Variants in RBFOX1 observed in about 807,000 individuals in gnomAD.
The protein encoded by RBFOX1 is RNA binding protein fox-1 homolog 1.
A neutral mutation model predicts 57.7 loss-of-function variants in RBFOX1; 8 were observed. The observed-to-expected ratio is 0.14, with a 90% confidence interval of 0.08 to 0.25. The LOEUF (loss-of-function observed/expected upper bound fraction) is 0.25, where lower values mean the gene tolerates loss of function less well. Among genes scored for constraint, RBFOX1 ranks in the 10% least tolerant of loss-of-function variants. RBFOX1 has a pLI of 1.00. For missense variants in RBFOX1, 611 were observed against 548.5 expected (o/e 1.11, Z -1.14); for synonymous variants, 326 against 222.4 (o/e 1.47, Z -4.15).
chr16:6,450,773 A>ATATATATATATATACATATATATATG (rs2094577686), intron 2 of RBFOX1, among the ~76,000 whole-genome samples: 13 of 38,546 alleles, frequency 3.4e-4, no homozygotes, highest in Non-Finnish European at 3.6e-4. Context: ...ATGTGTATAT[A>ATATATATATATATACATATATATATG]TATATATATA....
intron 2 of RBFOX1, among the ~76,000 whole-genome samples, chr16:6,336,201 T>A (rs2083721136): frequency 4.9e-5 from 4 of 81,036 alleles, no homozygotes; most frequent in African/African-American, 1.8e-4. Context: ...TTTTTTTTTT[T>A]TTTTTTTTTT....
intron 10 of RBFOX1, among the ~76,000 whole-genome samples, chr16:7,619,245 T>C (rs2058934237): frequency 6.6e-6 from 1 of 152,192 alleles, no homozygotes. Context: ...TGTATGATTC[T>C]AGTGTTTGGT....
At chr16:6,098,711 A>G (rs2096272573) in intron 1 of RBFOX1, among the ~76,000 whole-genome samples, 1 of 152,214 alleles carries the variant, frequency 6.6e-6, no homozygotes, top group South Asian at 2.1e-4. Context: ...TACTACGGGT[A>G]CAGATGTCCA....
At chr16:7,304,079 C>T in intron 4 of RBFOX1, 1 of 451,562 alleles carries the variant, frequency 2.2e-6, no homozygotes, top group South Asian at 9.3e-5. Flanking sequence ...CAGGTCCCCG[C>T]AAGTGTTTTA....
intron 9 of RBFOX1, among the ~76,000 whole-genome samples, chr16:7,602,405 G>A (rs1174165047): frequency 6.6e-6 from 1 of 152,156 alleles, no homozygotes; most frequent in African/African-American, 2.4e-5. Context: ...GGGAGGCTGG[G>A]ACCAGTGGGC....
At chr16:5,444,885 C>T (rs2068195674) in intron 1 of RBFOX1, among the ~76,000 whole-genome samples, 1 of 152,172 alleles carries the variant, frequency 6.6e-6, no homozygotes, top group South Asian at 2.1e-4. Flanking sequence ...TTACTCTATG[C>T]TGTTACTAGC....
At chr16:6,831,564 G>A (rs1200802614) in intron 3 of RBFOX1, among the ~76,000 whole-genome samples, 1 of 152,146 alleles carries the variant, frequency 6.6e-6, no homozygotes, top group African/African-American at 2.4e-5. Context: ...ATGGGCAACT[G>A]TTTAATTATT....
intron 9 of RBFOX1, among the ~76,000 whole-genome samples, chr16:7,602,404 G>T (rs13331477): frequency 0.25 from 38,263 of 152,036 alleles, 5,187 homozygotes; most frequent in African/African-American, 0.35. Context: ...TGGGAGGCTG[G>T]GACCAGTGGG....
intron 1 of RBFOX1, among the ~76,000 whole-genome samples, chr16:6,244,302 A>T (rs2097556955): frequency 6.6e-6 from 1 of 152,020 alleles, no homozygotes; most frequent in African/African-American, 2.4e-5. Flanking sequence ...TTTGGCGGTC[A>T]AGGCCTTTGG....
rs776370045 is a variant in RBFOX1 at position 7,519,927 on chromosome 16, C to A, written c.270+1538C>A. Among the ~76,000 whole-genome samples, 178 of 152,188 alleles carry A rather than the reference C, an allele frequency of 1.2e-3. 1 individual carries two copies. The highest frequency in any genetic ancestry group is 2.4e-3 in the Admixed American group (36 of 15,286). On this transcript the variant is annotated intron_variant, in intron 5 of 15. Coordinates refer to ENST00000550418, the MANE Select transcript of RBFOX1 (RefSeq NM_018723.4). ...TTGAGATGGGGTCTCACTCTGTTGCCCAGGCTGGAGTGCGGTGGCGCGATC... is the reference window on the plus strand; with the variant it reads ...TTGAGATGGGGTCTCACTCTGTTGCACAGGCTGGAGTGCGGTGGCGCGATC...
chr16:5,344,270 C>CT (rs2065093985), intron 1 of RBFOX1, among the ~76,000 whole-genome samples: 1 of 152,198 alleles, frequency 6.6e-6, no homozygotes, highest in African/African-American at 2.4e-5. Flanking sequence ...TCCCTCTCTC[C>CT]TGCTAAACCA....
At chr16:6,806,836 A>ATAT (rs754342591) in intron 3 of RBFOX1, among the ~76,000 whole-genome samples, 6,247 of 91,852 alleles carry the variant, frequency 0.068, 465 homozygotes, top group East Asian at 0.27. Flanking sequence ...ATATATATAT[A>ATAT]TTTTTTTTTT....
intron 3 of RBFOX1, among the ~76,000 whole-genome samples, chr16:6,935,555 C>G (rs1209679549): frequency 1.3e-5 from 2 of 152,138 alleles, no homozygotes; most frequent in Non-Finnish European, 2.9e-5. Flanking sequence ...TATTTGCAGC[C>G]AAGATCTGTT....
chr16:7,061,207 C>T (rs1017862326), intron 4 of RBFOX1, among the ~76,000 whole-genome samples: 2 of 152,172 alleles, frequency 1.3e-5, no homozygotes, highest in Non-Finnish European at 1.5e-5. Flanking sequence ...AAATGATCCC[C>T]AGGGGCAGCT....
intron 1 of RBFOX1, among the ~76,000 whole-genome samples, chr16:6,204,407 G>GT (rs1265319929): frequency 2.6e-5 from 4 of 152,114 alleles, no homozygotes; most frequent in South Asian, 4.2e-4. Flanking sequence ...CCTTTGTTAT[G>GT]TTTTTTTCTA....
At chr16:6,303,319 G>A (rs2079044698) in intron 1 of RBFOX1, among the ~76,000 whole-genome samples, 1 of 149,676 alleles carries the variant, frequency 6.7e-6, no homozygotes, top group East Asian at 2.1e-4. Context: ...CTGGAGTCCA[G>A]TACGTATTAA....
intron 3 of RBFOX1, among the ~76,000 whole-genome samples, chr16:5,643,972 A>G (rs1352908331): frequency 6.6e-6 from 1 of 152,228 alleles, no homozygotes; most frequent in East Asian, 1.9e-4. Flanking sequence ...GTACCTTTTC[A>G]AAAGGGCCCG....
At chr16:6,483,844 G>T (rs1465107357) in intron 2 of RBFOX1, 9 of 1,216,944 alleles carry the variant, frequency 7.4e-6, no homozygotes, top group Non-Finnish European at 9.3e-6. Flanking sequence ...CTTGGCCGTG[G>T]ATGGAATCCG....
intron 3 of RBFOX1, among the ~76,000 whole-genome samples, chr16:6,989,174 G>A (rs917895104): frequency 2.0e-5 from 3 of 152,182 alleles, no homozygotes; most frequent in Non-Finnish European, 2.9e-5. Flanking sequence ...GGGATTTCAG[G>A]CCTGAGCCAC....
Sources: gnomAD v4.1 joint callset for allele counts (sites outside exome capture counted in the v4.1 genomes callset) on GRCh38, gnomAD v4.1.1 for gene constraint, MANE v1.5 for transcripts, NCBI Gene and HGNC (gene_info 2026-07-23, HGNC 2026-07-21) for gene names.